The following KCMF1 variants were observed in gnomAD, a reference collection of about 807,000 sequenced individuals.
KCMF1 encodes potassium channel modulatory factor 1.
KCMF1 carries 3 observed loss-of-function variants against 41.1 expected under a neutral mutation model. The observed-to-expected ratio is 0.07, with a 90% CI of 0.03 to 0.19. KCMF1 has a LOEUF of 0.19. Among genes scored for constraint, KCMF1 ranks in the 10% least tolerant of loss-of-function variants. The probability of loss-of-function intolerance (pLI) is 1.00; values close to 1 mark genes in which losing one functional copy is unlikely to be tolerated. For missense variants in KCMF1, 286 were observed against 488.9 expected (o/e 0.58, Z 3.91); for synonymous variants, 142 against 164.5 (o/e 0.86, Z 1.04).
At chr2:85,010,169 TCTTAC>T (rs1674617500) in intron 1 of KCMF1, among the ~76,000 whole-genome samples, 1 of 152,190 alleles carries the variant, frequency 6.6e-6, no homozygotes, top group South Asian at 2.1e-4. Flanking sequence ...CAAAATGAGA[TCTTAC>T]CTTAAGACTG....
At chr2:85,008,988 C>T (rs182967660) in intron 1 of KCMF1, among the ~76,000 whole-genome samples, 1 of 152,032 alleles carries the variant, frequency 6.6e-6, no homozygotes. Context: ...CCTTGGCCTC[C>T]CAAAGTACTG....
At chr2:85,013,747 G>A (rs1041963073) in intron 1 of KCMF1, among the ~76,000 whole-genome samples, 18 of 148,890 alleles carry the variant, frequency 1.2e-4, no homozygotes, top group Admixed American at 7.4e-4. Flanking sequence ...TCAGTGAGCC[G>A]AGATCACACC....
chr2:85,058,981 T>C lies in KCMF1; in HGVS notation c.*5572T>C, dbSNP rs1007688153. The C allele has an allele frequency of 3.9e-5, 6 of 152,154 alleles. No individual in the cohort carries two copies. The highest frequency in any genetic ancestry group is 7.2e-5 in the African/African-American group (3 of 41,444). 9.4% of individuals were successfully genotyped at this position (152,154 alleles called of 1,614,324 possible). ...GTATATAAGGTTTTCTTGAGGTAGA[T>C]GCAGCAATATTCCTGGGGTAAGATT... On this transcript the variant is annotated 3_prime_UTR_variant, in exon 7 of 7. Coordinates refer to ENST00000409785, the MANE Select transcript of KCMF1 (RefSeq NM_020122.5).
At chr2:84,980,748 C>G (rs1673714100) in intron 1 of KCMF1, among the ~76,000 whole-genome samples, 1 of 151,984 alleles carries the variant, frequency 6.6e-6, no homozygotes, top group African/African-American at 2.4e-5. Flanking sequence ...TTACGTGATC[C>G]TCCTGCCGCA....
At chr2:84,993,817 C>G (rs1674105837) in intron 1 of KCMF1, among the ~76,000 whole-genome samples, 1 of 152,120 alleles carries the variant, frequency 6.6e-6, no homozygotes, top group East Asian at 1.9e-4. Flanking sequence ...CTCAAGTGAC[C>G]CGCCCACCTT....
chr2:84,975,435 C>T (rs777095695), intron 1 of KCMF1, among the ~76,000 whole-genome samples: 10 of 152,090 alleles, frequency 6.6e-5, no homozygotes, highest in Admixed American at 1.3e-4. Flanking sequence ...CCAGCTCCTC[C>T]GTACTTCACT....
At chr2:85,001,696 C>A (rs747143846) in intron 1 of KCMF1, among the ~76,000 whole-genome samples, 9 of 152,112 alleles carry the variant, frequency 5.9e-5, no homozygotes, top group Non-Finnish European at 1.2e-4. Context: ...TGGGTGATAC[C>A]TCCCAGTTGA....
chr2:84,971,383 G>A lies in KCMF1; in HGVS notation c.-69G>A, dbSNP rs1227176616. Reference sequence around the variant, plus strand: ...GAGTCGGCCGGCCGGCGCGGGCAGCGCCGGGACCCCGCGGGGGACACTGCA... The same window carrying A: ...GAGTCGGCCGGCCGGCGCGGGCAGCACCGGGACCCCGCGGGGGACACTGCA... On this transcript the variant is annotated 5_prime_UTR_variant, in exon 1 of 7. Transcript: ENST00000409785. 1.9e-6 allele frequency: 2 copies of A among 1,045,524 alleles called. No homozygotes were observed. Among genetic ancestry groups the A allele is most frequent in the East Asian group, 6.5e-5 (1 of 15,376 alleles). The allele number at this position is 1,045,524 out of a possible 1,614,324, so 64.8% of individuals were successfully genotyped here.
chr2:85,026,486 A>ATTATTG (rs1675107567), intron 1 of KCMF1, among the ~76,000 whole-genome samples: 1 of 145,004 alleles, frequency 6.9e-6, no homozygotes, highest in Non-Finnish European at 1.5e-5. Context: ...TATTATTATT[A>ATTATTG]TTATTATTAT....
intron 1 of KCMF1, among the ~76,000 whole-genome samples, chr2:85,008,235 T>TATATATGATATATATTATATATC (rs1433168107): frequency 9.6e-6 from 1 of 104,260 alleles, no homozygotes; most frequent in African/African-American, 3.7e-5. Context: ...CATCACATAT[T>TATATATGATATATATTATATATC]ATATTATATA....
In KCMF1 at chr2:85,035,113, A is replaced by G. The variant is rs1675376031; in HGVS notation, c.282A>G (p.Gln94=). Reference sequence around the variant, plus strand: ...TGGGCTATACGGAGACATCTCTTCAAGAACATGTTACTTCTGAACATGCAG... The same window carrying G: ...TGGGCTATACGGAGACATCTCTTCAGGAACATGTTACTTCTGAACATGCAG... ...GKMGYTETSL[Q]EHVTSEHAET... Residue 94 remains glutamine (Q), a synonymous_variant, in exon 3 of 7, where the codon CAA becomes CAG. Transcript: ENST00000409785. 1.2e-6 allele frequency: 2 copies of G among 1,613,562 alleles called. No individual in the cohort carries two copies. The highest frequency in any genetic ancestry group is 1.7e-6 in the Non-Finnish European group (2 of 1,179,668).
At chr2:84,985,470 T>C (rs1673877695) in intron 1 of KCMF1, among the ~76,000 whole-genome samples, 1 of 152,220 alleles carries the variant, frequency 6.6e-6, no homozygotes, top group African/African-American at 2.4e-5. Flanking sequence ...TATTACTCTA[T>C]TTAACTGATG....
At chr2:84,993,683 C>G (rs1478794966) in intron 1 of KCMF1, among the ~76,000 whole-genome samples, 3 of 151,720 alleles carry the variant, frequency 2.0e-5, no homozygotes, top group African/African-American at 7.3e-5. Context: ...TCAAGCGATT[C>G]TGCTGCCTCA....
At chr2:84,985,842 C>A (rs1673888444) in intron 1 of KCMF1, among the ~76,000 whole-genome samples, 1 of 151,372 alleles carries the variant, frequency 6.6e-6, no homozygotes, top group Admixed American at 6.6e-5. Flanking sequence ...AAAAAAAAAC[C>A]CTTGGGCCTA....
chr2:85,027,752 C>A (rs998337165), intron 1 of KCMF1, 137 bp from the exon 2 acceptor site: 1 of 603,016 alleles, frequency 1.7e-6, no homozygotes, highest in Admixed American at 3.2e-5. Flanking sequence ...TAAAACTTCC[C>A]GTATCATTTT....
chr2:85,026,680 A>C (rs1011454926), intron 1 of KCMF1, among the ~76,000 whole-genome samples: 1 of 151,074 alleles, frequency 6.6e-6, no homozygotes, highest in Admixed American at 6.6e-5. Flanking sequence ...TGTAGACAGG[A>C]TCTCTCTATG....
chr2:84,989,768 A>G (rs1240792800), intron 1 of KCMF1, among the ~76,000 whole-genome samples: 1 of 152,184 alleles, frequency 6.6e-6, no homozygotes, highest in Non-Finnish European at 1.5e-5. Flanking sequence ...TGCAGGAAGC[A>G]GGGAAAAGAG....
At chr2:85,049,171 A>G (rs1402630245) in intron 5 of KCMF1, among the ~76,000 whole-genome samples, 195 bp from the exon 6 acceptor site, 2 of 152,230 alleles carry the variant, frequency 1.3e-5, no homozygotes, top group African/African-American at 4.8e-5. Context: ...ATTCGTATGC[A>G]TTTGCATTCT....
At chr2:85,032,275 G>A (rs574206139) in intron 2 of KCMF1, among the ~76,000 whole-genome samples, 6 of 152,212 alleles carry the variant, frequency 3.9e-5, no homozygotes, top group Admixed American at 6.5e-5. Context: ...GGCTTCAAGC[G>A]ATTCTCCTGC....
Sources: allele counts gnomAD v4.1 joint callset (sites outside exome capture counted in the v4.1 genomes callset), GRCh38; gene constraint gnomAD v4.1.1; transcripts MANE v1.5; gene names NCBI Gene and HGNC (gene_info 2026-07-23, HGNC 2026-07-21).